Variants in SERGEF observed in about 807,000 individuals in gnomAD.
SERGEF encodes secretion regulating guanine nucleotide exchange factor.
Under a neutral mutation model 50.0 loss-of-function variants are expected in SERGEF, and 51 were observed. That is an observed-to-expected ratio of 1.02 (90% CI 0.81 to 1.29). SERGEF has a LOEUF of 1.29. SERGEF is among the 50% of genes most tolerant of loss of function. SERGEF has a pLI of 0.00. For synonymous variants in SERGEF, 205 were observed against 212.4 expected (o/e 0.97, Z 0.30); for missense variants, 521 against 557.0 (o/e 0.94, Z 0.65).
intron 10 of SERGEF, among the ~76,000 whole-genome samples, chr11:17,868,847 C>T (rs554199461): frequency 9.9e-5 from 15 of 152,228 alleles, no homozygotes; most frequent in South Asian, 6.2e-4. Flanking sequence ...CATCAGATCT[C>T]GTGAGACTTA....
rs544034025 is a variant in SERGEF, at chr11:17,878,307, A to C, written c.1012-63T>G. ...ATTTCAGCCAGTATATTTTATAATC[A>C]TAGTTCTTTTCTAATGACACTAACA... On this transcript the variant is annotated intron_variant, in intron 9 of 10. Transcript: ENST00000265965. The C allele has an allele frequency of 1.4e-5, 18 of 1,330,604 alleles. No homozygotes were observed. The African/African-American group carries it at 1.8e-4, about 13-fold the overall frequency. The allele number at this position is 1,330,604 out of a possible 1,614,324, so 82.4% of individuals were successfully genotyped here. A position where few individuals can be genotyped will look rare whatever the true frequency, so the allele number is the denominator to read the frequency against.
In SERGEF at chr11:17,794,469, G is replaced by C. The variant is rs185108145; in HGVS notation, c.1049-6056C>G. Reference sequence around the variant, plus strand: ...ACAGATGAAGAACCAGGCTCAGAGAGGTAAAGTAATTTGTCTATAGCCACA... The same window carrying C: ...ACAGATGAAGAACCAGGCTCAGAGACGTAAAGTAATTTGTCTATAGCCACA... On this transcript the variant is annotated intron_variant, in intron 10 of 10. Transcript: ENST00000265965. Among the ~76,000 whole-genome samples, 3 of 152,302 alleles carry C rather than the reference G, an allele frequency of 2.0e-5. No homozygotes were observed. In the East Asian group the frequency reaches 5.8e-4, roughly 29 times the overall value.
intron 10 of SERGEF, among the ~76,000 whole-genome samples, chr11:17,821,219 G>A (rs1259342014): frequency 1.3e-5 from 2 of 152,200 alleles, no homozygotes; most frequent in Admixed American, 1.3e-4. Flanking sequence ...GCCTCCAGAA[G>A]TGAGAGCATA....
chr11:17,845,284 G>C (rs1850586710), intron 10 of SERGEF, among the ~76,000 whole-genome samples: 1 of 152,174 alleles, frequency 6.6e-6, no homozygotes, highest in African/African-American at 2.4e-5. Context: ...TGGGGGCTCA[G>C]CTATCAAAGC....
At chr11:17,955,296 T>C (rs923562590) in intron 9 of SERGEF, among the ~76,000 whole-genome samples, 1 of 152,256 alleles carries the variant, frequency 6.6e-6, no homozygotes, top group Non-Finnish European at 1.5e-5. Flanking sequence ...ACAGTAGATA[T>C]TAACTTACAT....
chr11:17,896,736 C>CGGAAGGGTAACGGAAGGGTAAG (rs1851641812), intron 9 of SERGEF, among the ~76,000 whole-genome samples: 1 of 82,480 alleles, frequency 1.2e-5, no homozygotes, highest in Non-Finnish European at 2.4e-5. Context: ...GGAAGGGTAA[C>CGGAAGGGTAACGGAAGGGTAAG]GGAAGGGTAA....
chr11:17,804,797 C>T (rs1849728543), intron 10 of SERGEF, among the ~76,000 whole-genome samples: 1 of 152,248 alleles, frequency 6.6e-6, no homozygotes, highest in Admixed American at 6.5e-5. Flanking sequence ...TAAGTTAAGT[C>T]CTCAGAGGCC....
rs1411601745 is a variant in SERGEF, at chr11:17,888,394, A to C, written c.1012-10150T>G. Among the ~76,000 whole-genome samples the C allele has an allele frequency of 6.6e-6, 1 of 152,068 alleles. No homozygotes were observed. Among genetic ancestry groups the C allele is most frequent in the Non-Finnish European group, 1.5e-5 (1 of 68,020 alleles). On this transcript the variant is annotated intron_variant, in intron 9 of 10. Coordinates refer to ENST00000265965, the MANE Select transcript of SERGEF (RefSeq NM_012139.4). The surrounding 1 kb of genome is among the most constrained non-coding windows in gnomAD (Gnocchi z 4.1). ...ACTTCTGTTTACAAACAAACAATGC[A>C]AAAAAAATTTAACTACTTTGTAGGT...
chr11:17,974,896 G>T (rs933066383), intron 8 of SERGEF, among the ~76,000 whole-genome samples: 1 of 152,206 alleles, frequency 6.6e-6, no homozygotes, highest in Non-Finnish European at 1.5e-5. Flanking sequence ...GGGCTTAATG[G>T]AGAGAAGTGG....
chr11:17,989,185 A>G (rs1853659172), intron 7 of SERGEF, among the ~76,000 whole-genome samples: 1 of 152,266 alleles, frequency 6.6e-6, no homozygotes, highest in Non-Finnish European at 1.5e-5. Flanking sequence ...TTTTTTAAAC[A>G]TAAGATTATT....
chr11:17,809,967 A>G (rs947483696), intron 10 of SERGEF, among the ~76,000 whole-genome samples: 1 of 152,164 alleles, frequency 6.6e-6, no homozygotes, highest in Non-Finnish European at 1.5e-5. Flanking sequence ...ATTCTCCCAC[A>G]CTGTGCCCTG....
intron 8 of SERGEF, among the ~76,000 whole-genome samples, chr11:17,987,181 G>A (rs1177328683): frequency 6.6e-6 from 1 of 152,196 alleles, no homozygotes; most frequent in Non-Finnish European, 1.5e-5. Flanking sequence ...TTCTGTTCAT[G>A]AACATCTAAG....
intron 7 of SERGEF, among the ~76,000 whole-genome samples, chr11:17,989,903 T>G (rs554905044): frequency 3.3e-5 from 5 of 152,390 alleles, no homozygotes; most frequent in African/African-American, 1.2e-4. Context: ...AGTAGATATA[T>G]TATTAAAATT....
chr11:17,890,083 A>G (rs1051510501), intron 9 of SERGEF, among the ~76,000 whole-genome samples: 7 of 151,220 alleles, frequency 4.6e-5, no homozygotes, highest in Non-Finnish European at 7.4e-5. Flanking sequence ...CTAAGTGAGG[A>G]AAGTGGCCAA....
chr11:17,912,466 G>C (rs1301427458), intron 9 of SERGEF, among the ~76,000 whole-genome samples: 1 of 152,132 alleles, frequency 6.6e-6, no homozygotes, highest in East Asian at 1.9e-4. Context: ...ATCATTGAGG[G>C]AAGCTGGGTG....
At chr11:18,011,137 T>TACACACACACACAC (rs57370560) in intron 1 of SERGEF, among the ~76,000 whole-genome samples, 58 of 147,734 alleles carry the variant, frequency 3.9e-4, no homozygotes, top group African/African-American at 1.4e-3. Context: ...CATGCACACA[T>TACACACACACACAC]ACACACACAC....
chr11:17,788,152 C>A lies in SERGEF; in HGVS notation c.1310G>T (p.Trp437Leu). ...TGAAGTTTCTGATTGTCTTTCCTTC[C>A]AGTTTCTCTCTTTGTCCATGGCTTT... ...SQKAMDKERN[W>L]KERQSETSTQ... The change falls in exon 11 of 11, where the codon TGG (tryptophan) becomes TTG (leucine). Residue 437 changes from tryptophan (W) to leucine (L), a missense_variant. By Grantham distance (61) the Trp-to-Leu change is moderately conservative. Coordinates refer to ENST00000265965, the MANE Select transcript of SERGEF (RefSeq NM_012139.4). 6.3e-7 allele frequency: 1 copy of A among 1,584,238 alleles called. No homozygotes were observed. The highest frequency in any genetic ancestry group is 8.6e-7 in the Non-Finnish European group (1 of 1,159,150).
chr11:17,930,163 T>A (rs1407348193), intron 9 of SERGEF, among the ~76,000 whole-genome samples: 1 of 152,210 alleles, frequency 6.6e-6, no homozygotes, highest in Non-Finnish European at 1.5e-5. Context: ...GTTCCTCATG[T>A]GTGAAACACA....
At chr11:17,971,736 T>C (rs1289475504) in intron 8 of SERGEF, among the ~76,000 whole-genome samples, 1 of 152,234 alleles carries the variant, frequency 6.6e-6, no homozygotes, top group African/African-American at 2.4e-5. Flanking sequence ...TCATTTTGTC[T>C]TCTAAATCTT....
Sources: gnomAD v4.1 joint callset for allele counts (sites outside exome capture counted in the v4.1 genomes callset) on GRCh38, gnomAD v4.1.1 for gene constraint, Gnocchi (gnomAD v3.1) non-coding constraint, MANE v1.5 for transcripts, NCBI Gene and HGNC (gene_info 2026-07-23, HGNC 2026-07-21) for gene names.